The following ZNF462 variants were observed in gnomAD, a reference collection of about 807,000 sequenced individuals.
ZNF462 encodes the protein zinc finger PBX1-interacting protein.
In ZNF462, 10 loss-of-function variants were observed where a neutral mutation model predicts 201.9. That is an observed-to-expected ratio of 0.05 (90% CI 0.03 to 0.08). The LOEUF is 0.08. Among genes scored for constraint, ZNF462 ranks in the 10% least tolerant of loss-of-function variants. The probability of loss-of-function intolerance (pLI) is 1.00; values close to 1 mark genes in which losing one functional copy is unlikely to be tolerated. For missense variants in ZNF462, 2,523 were observed against 3,168.3 expected (o/e 0.80, Z 4.89); for synonymous variants, 1,227 against 1,193.3 (o/e 1.03, Z -0.58).
chr9:106,960,542 G>A (rs1165454587), intron 7 of ZNF462, among the ~76,000 whole-genome samples: 1 of 152,078 alleles, frequency 6.6e-6, no homozygotes. Flanking sequence ...CGAACAGCAG[G>A]AAACCTTACT....
intron 7 of ZNF462, among the ~76,000 whole-genome samples, chr9:106,965,686 A>G (rs1264001705): frequency 6.6e-6 from 1 of 152,066 alleles, no homozygotes. Flanking sequence ...TCAGTTCTCA[A>G]TGTGGTGAGT....
chr9:106,986,667 A>G (rs1413152968), intron 10 of ZNF462, among the ~76,000 whole-genome samples: 1 of 152,146 alleles, frequency 6.6e-6, no homozygotes, highest in Non-Finnish European at 1.5e-5. Flanking sequence ...ATTTGGTTAC[A>G]TGAGTAATTT....
chr9:106,873,816 G>A (rs997162772), intron 1 of ZNF462, among the ~76,000 whole-genome samples: 8 of 152,162 alleles, frequency 5.3e-5, no homozygotes, highest in South Asian at 2.1e-4. Context: ...TACGGTATCC[G>A]AGAGAGTAGC....
At chr9:107,002,526 C>T (rs1829267160) in intron 10 of ZNF462, among the ~76,000 whole-genome samples, 1 of 152,184 alleles carries the variant, frequency 6.6e-6, no homozygotes, top group South Asian at 2.1e-4. Flanking sequence ...TCATTAAAGA[C>T]TTTTCTTAGT....
At chr9:106,961,672 A>AGATG (rs1393349365) in intron 7 of ZNF462, among the ~76,000 whole-genome samples, 4 of 152,052 alleles carry the variant, frequency 2.6e-5, no homozygotes, top group African/African-American at 9.7e-5. Context: ...ATGAATGGAT[A>AGATG]GATGGATGGA....
At chr9:106,910,103 G>A (rs1220090320) in intron 1 of ZNF462, among the ~76,000 whole-genome samples, 2 of 151,832 alleles carry the variant, frequency 1.3e-5, no homozygotes, top group African/African-American at 4.8e-5. Context: ...TTTGATTTGT[G>A]GATTTTGCCT....
In ZNF462 at chr9:106,920,226, A is replaced by T. The variant is rs1178337749; in HGVS notation, c.-30-3128A>T. Among the ~76,000 whole-genome samples, 23 of 151,410 alleles carry T rather than the reference A, an allele frequency of 1.5e-4. No homozygotes were observed. Among genetic ancestry groups the T allele is most frequent in the Non-Finnish European group, 1.5e-5 (1 of 67,942 alleles). Reference sequence around the variant, plus strand: ...ATATGAATGGGTCATCGTCATGTCCAGTGTGTTTTTGTCTCTGTCCTTCTC... The same window carrying T: ...ATATGAATGGGTCATCGTCATGTCCTGTGTGTTTTTGTCTCTGTCCTTCTC... On this transcript the variant is annotated intron_variant, in intron 1 of 12. Coordinates refer to ENST00000277225, the MANE Select transcript of ZNF462 (RefSeq NM_021224.6). The surrounding 1 kb of genome is among the most constrained non-coding windows in gnomAD (Gnocchi z 4.3).
At chr9:106,973,276 G>A (rs558818143) in intron 8 of ZNF462, among the ~76,000 whole-genome samples, 2 of 151,698 alleles carry the variant, frequency 1.3e-5, no homozygotes, top group African/African-American at 2.4e-5. Context: ...GCTTCACACC[G>A]AGAGGCTGTG....
rs1050272796 is a variant in ZNF462, at chr9:106,932,684, C to G, written c.6116+135C>G. 1.8e-6 allele frequency: 2 copies of G among 1,103,446 alleles called. No individual in the cohort carries two copies. Among genetic ancestry groups the G allele is most frequent in the Non-Finnish European group, 2.6e-6 (2 of 771,868 alleles). 68.4% of individuals were successfully genotyped at this position (1,103,446 alleles called of 1,614,324 possible). ...ACACCTGCTGCTATGTTACCTGGAG[C>G]CTCAGTCACCTTTTCTGTAAAATGG... On this transcript the variant is annotated intron_variant, in intron 5 of 12. Coordinates refer to ENST00000277225, the MANE Select transcript of ZNF462 (RefSeq NM_021224.6). The surrounding 1 kb of genome is among the most constrained non-coding windows in gnomAD (Gnocchi z 6.8).
intron 7 of ZNF462, among the ~76,000 whole-genome samples, chr9:106,958,006 A>G (rs565774661): frequency 9.9e-5 from 15 of 152,258 alleles, no homozygotes; most frequent in Non-Finnish European, 1.5e-4. Context: ...ACTGAGTTCA[A>G]TAGAAACAGT....
intron 1 of ZNF462, among the ~76,000 whole-genome samples, chr9:106,910,362 GTTTTTTTTTTTT>G (rs1011376719): frequency 1.5e-5 from 1 of 64,806 alleles, no homozygotes; most frequent in African/African-American, 6.2e-5. Context: ...CCTTGTTTTA[GTTTTTTTTTTTT>G]TTTTTTTTTT....
Position 107,008,871 on chromosome 9 carries a change from G to GC in ZNF462, c.7190-673dup, listed in dbSNP as rs1159166336. Among the ~76,000 whole-genome samples, 8 of 152,204 alleles carry GC rather than the reference G, an allele frequency of 5.3e-5. No homozygotes were observed. Among genetic ancestry groups the GC allele is most frequent in the African/African-American group, 1.9e-4 (8 of 41,458 alleles). ...CCACCAATTGAGGGGTAGGTGCCAG[G>GC]CAGCTGGCCAGGATCTCTCAATAGC... is the stretch of plus-strand genomic sequence containing the variant. On this transcript the variant is annotated intron_variant, in intron 11 of 12. Coordinates refer to ENST00000277225, the MANE Select transcript of ZNF462 (RefSeq NM_021224.6). The surrounding 1 kb of genome is among the most constrained non-coding windows in gnomAD (Gnocchi z 4.8).
chr9:106,920,919 G>T lies in ZNF462; in HGVS notation c.-30-2435G>T, dbSNP rs927396002. 2.6e-5 allele frequency among the ~76,000 whole-genome samples: 4 copies of T among 152,138 alleles called. No individual in the cohort carries two copies. Among genetic ancestry groups the T allele is most frequent in the African/African-American group, 9.7e-5 (4 of 41,404 alleles). ...GCCTTTTGTTGCATTATTTCTAAAG[G>T]CTTGAAGTTTTGAAGGGAAGAGATT... is the stretch of plus-strand genomic sequence containing the variant. On this transcript the variant is annotated intron_variant, in intron 1 of 12. Transcript: ENST00000277225. This position sits in a 1 kb window ranked among gnomAD's most constrained non-coding sequence, Gnocchi z 4.3.
intron 5 of ZNF462, among the ~76,000 whole-genome samples, chr9:106,934,071 A>G (rs548870596): frequency 6.6e-6 from 1 of 152,300 alleles, no homozygotes; most frequent in South Asian, 2.1e-4. Flanking sequence ...GCTAACATTT[A>G]TTGCATCTCA....
At chr9:106,860,863 G>A (rs1362258924), upstream of ZNF462, among the ~76,000 whole-genome samples, 1 of 152,022 alleles carries the variant, frequency 6.6e-6, no homozygotes, top group African/African-American at 2.4e-5. This position sits in a 1 kb window ranked among gnomAD's most constrained non-coding sequence, Gnocchi z 7.1. Flanking sequence ...CACTCGGAAG[G>A]GGGAGTCCTC....
At position 106,917,139 on chromosome 9, in the gene ZNF462, A is replaced by G. The variant is rs1221090527; in HGVS notation, c.-30-6215A>G. Among the ~76,000 whole-genome samples, 4 of 152,200 alleles carry G rather than the reference A, an allele frequency of 2.6e-5. No individual in the cohort carries two copies. The highest frequency in any genetic ancestry group is 5.9e-5 in the Non-Finnish European group (4 of 68,040). On this transcript the variant is annotated intron_variant, in intron 1 of 12. Coordinates refer to ENST00000277225, the MANE Select transcript of ZNF462 (RefSeq NM_021224.6). The surrounding 1 kb of genome is among the most constrained non-coding windows in gnomAD (Gnocchi z 4.5). ...TCTCTTTCTGTATGAGACACTTACT[A>G]CCTGCTTTCATAACAGGTCACTCAG...
chr9:106,971,939 G>A, intron 7 of ZNF462, 66 bp from the exon 8 acceptor site: 1 of 1,537,116 alleles, frequency 6.5e-7, no homozygotes. Flanking sequence ...GATGTCAGGG[G>A]TTTTCAAGCA....
chr9:106,863,070 A>G (rs1022160811), upstream of ZNF462: 1 of 385,916 alleles, frequency 2.6e-6, no homozygotes, highest in Non-Finnish European at 4.5e-6. Flanking sequence ...AGAGAAGAGG[A>G]GAGAGAGGGG....
rs1829811451 is a variant in ZNF462, at chr9:106,917,246, G to C, written c.-30-6108G>C. Among the ~76,000 whole-genome samples, 1 of 152,180 alleles carries C rather than the reference G, an allele frequency of 6.6e-6. No individual in the cohort carries two copies. The highest frequency in any genetic ancestry group is 6.5e-5 in the Admixed American group (1 of 15,274). The stretch of plus-strand genomic sequence containing the variant: ...TAGATGCTCATTTCATTTTAATGAT[G>C]ATTCCAAAGGTATCTATTAAGAAAT... On this transcript the variant is annotated intron_variant, in intron 1 of 12. Transcript: ENST00000277225. The surrounding 1 kb of genome is among the most constrained non-coding windows in gnomAD (Gnocchi z 4.5).
Sources: allele counts gnomAD v4.1 joint callset (sites outside exome capture counted in the v4.1 genomes callset), GRCh38; gene constraint gnomAD v4.1.1; non-coding constraint Gnocchi (gnomAD v3.1); transcripts MANE v1.5; gene names NCBI Gene and HGNC (gene_info 2026-07-23, HGNC 2026-07-21).